The following NDUFA13 variants were observed in gnomAD, a reference collection of about 807,000 sequenced individuals.
NDUFA13 encodes NADH dehydrogenase [ubiquinone] 1 alpha subcomplex subunit 13.
Under a neutral mutation model 17.0 loss-of-function variants are expected in NDUFA13, and 16 were observed. The observed-to-expected ratio is 0.94, with a 90% confidence interval of 0.64 to 1.43. NDUFA13 has a LOEUF of 1.43. Ranked by LOEUF, NDUFA13 falls within the 40% of genes most tolerant of loss-of-function variation. The pLI, the probability that NDUFA13 is intolerant of heterozygous loss-of-function variation, is 0.00. For missense variants in NDUFA13, 228 were observed against 206.7 expected, an observed-to-expected ratio of 1.10 and a Z score of -0.63; for synonymous variants, 87 against 78.4, an observed-to-expected ratio of 1.11 and a Z score of -0.58.
Position 19,519,780 on chromosome 19 carries a change from GTCC to G in NDUFA13, c.94+3454_94+3456del, listed in dbSNP as rs997847704. 9.9e-5 allele frequency among the ~76,000 whole-genome samples: 15 copies of G among 152,196 alleles called. No homozygotes were observed. The South Asian group carries it at 2.3e-3, about 23-fold the overall frequency. ...CACAGGCCCTGCCTCCTCTCCCTCT[GTCC>G]TCCTCTCCTGCCTCTCCTGAGCCAT... is the stretch of plus-strand genomic sequence containing the variant. On this transcript the variant is annotated intron_variant, in intron 1 of 4. Transcript: ENST00000507754.
At chr19:19,517,175 T>C (rs1205641231) in intron 1 of NDUFA13, among the ~76,000 whole-genome samples, 3 of 152,118 alleles carry the variant, frequency 2.0e-5, no homozygotes, top group Non-Finnish European at 4.4e-5. Context: ...AAGGCGCCCA[T>C]ACTCAGTCCC....
At chr19:19,516,685 G>T (rs1202419853) in intron 1 of NDUFA13, among the ~76,000 whole-genome samples, 1 of 152,240 alleles carries the variant, frequency 6.6e-6, no homozygotes. Flanking sequence ...AGCTGAGGCC[G>T]CAACCCGGAA....
At chr19:19,520,844 T>C (rs952278816) in intron 1 of NDUFA13, among the ~76,000 whole-genome samples, 13 of 152,192 alleles carry the variant, frequency 8.5e-5, no homozygotes, top group Admixed American at 8.5e-4. Flanking sequence ...TTCCTATCAG[T>C]GAAGTCATAG....
chr19:19,527,594 A>G, intron 3 of NDUFA13, 107 bp from the exon 4 acceptor site: 1 of 1,016,984 alleles, frequency 9.8e-7, no homozygotes, highest in Non-Finnish European at 1.5e-6. Context: ...CTGGGGGAAA[A>G]GGAGACAGGG....
At chr19:19,518,233 T>G (rs947478571) in intron 1 of NDUFA13, among the ~76,000 whole-genome samples, 3 of 152,134 alleles carry the variant, frequency 2.0e-5, no homozygotes, top group African/African-American at 7.2e-5. Context: ...TTTCTTTTCT[T>G]TCTTTCTTTT....
intron 1 of NDUFA13, among the ~76,000 whole-genome samples, chr19:19,520,155 C>T (rs1212828314): frequency 1.3e-5 from 2 of 151,994 alleles, no homozygotes; most frequent in Non-Finnish European, 2.9e-5. Flanking sequence ...GCTCAGGCCC[C>T]TTTTAATCCA....
chr19:19,526,791 A>G (rs2061101622), intron 2 of NDUFA13: 1 of 279,490 alleles, frequency 3.6e-6, no homozygotes, highest in Non-Finnish European at 7.0e-6. Flanking sequence ...CCCAACCCCA[A>G]CGCAGGCCAG....
chr19:19,524,021 G>A (rs1413662926), intron 1 of NDUFA13, among the ~76,000 whole-genome samples: 1 of 152,102 alleles, frequency 6.6e-6, no homozygotes, highest in East Asian at 1.9e-4. Context: ...TCTCACCTCA[G>A]CCTCCCAAAA....
chr19:19,526,299 C>A, intron 2 of NDUFA13, 39 bp downstream of exon 2: 2 of 1,607,090 alleles, frequency 1.2e-6, no homozygotes, highest in Non-Finnish European at 1.7e-6. Flanking sequence ...AGTGCCCCCC[C>A]GGCGAGTTGT....
At chr19:19,516,793 T>A (rs77160174) in intron 1 of NDUFA13, among the ~76,000 whole-genome samples, 1 of 147,738 alleles carries the variant, frequency 6.8e-6, no homozygotes, top group Non-Finnish European at 1.5e-5. Flanking sequence ...AAATTTTCAA[T>A]TTTTTTTTTT....
intron 2 of NDUFA13, 32 bp from the exon 3 acceptor site, chr19:19,527,249 C>T (rs763804857): frequency 5.0e-6 from 8 of 1,611,962 alleles, no homozygotes; most frequent in South Asian, 1.1e-5. Flanking sequence ...CTAGCCTGGT[C>T]TGACCTGAGT....
At chr19:19,526,327 C>A in intron 2 of NDUFA13, 67 bp downstream of exon 2, 1 of 1,556,248 alleles carries the variant, frequency 6.4e-7, no homozygotes, top group Non-Finnish European at 8.8e-7. Flanking sequence ...CTGTAGCATT[C>A]CGCTGTTGTC....
chr19:19,526,407 C>G (rs1212382091), intron 2 of NDUFA13, 147 bp downstream of exon 2: 28 of 819,378 alleles, frequency 3.4e-5, no homozygotes, highest in Non-Finnish European at 5.5e-5. Context: ...AAGTGCAGAT[C>G]CAGACCCAGC....
intron 1 of NDUFA13, among the ~76,000 whole-genome samples, chr19:19,524,244 A>G (rs947336275): frequency 1.1e-4 from 16 of 152,224 alleles, no homozygotes; most frequent in African/African-American, 3.9e-4. Context: ...GTGGTTGGCG[A>G]GGAGGAAGAG....
intron 3 of NDUFA13, 51 bp from the exon 4 acceptor site, chr19:19,527,650 G>A: frequency 6.8e-7 from 1 of 1,461,112 alleles, no homozygotes; most frequent in Non-Finnish European, 9.4e-7. Flanking sequence ...CTAGGCAGGG[G>A]CCCCTCAGGG....
intron 1 of NDUFA13, among the ~76,000 whole-genome samples, chr19:19,525,837 G>A (rs574596935): frequency 2.0e-5 from 3 of 152,294 alleles, no homozygotes; most frequent in Admixed American, 1.3e-4. Flanking sequence ...AGGGCAGCAC[G>A]CGGAACTGTG....
chr19:19,527,708 C>G lies in NDUFA13; in HGVS notation c.253C>G (p.Gln85Glu), dbSNP rs1052574171. 1.9e-6 allele frequency: 3 copies of G among 1,552,056 alleles called. No homozygotes were observed. The African/African-American group carries it at 4.1e-5, about 21-fold the overall frequency. Residue 85 changes from glutamine to glutamate, a missense_variant, in exon 4 of 5, where the codon CAG (glutamine) becomes GAG (glutamate). Physicochemically the swap from Gln to Glu is conservative, Grantham distance 29. Transcript: ENST00000507754. Reference sequence around the variant, plus strand: ...TCGGCCCCATCCCCACAGGACCTTGCAGATGCTTCGGGAGAACCTGGAGGA... The same window carrying G: ...TCGGCCCCATCCCCACAGGACCTTGGAGATGCTTCGGGAGAACCTGGAGGA... ...LQAETDRRTL[Q>E]MLRENLEEEA...
chr19:19,522,477 C>CTTTGTTTTTTT (rs2061082250), intron 1 of NDUFA13, among the ~76,000 whole-genome samples: 1 of 95,036 alleles, frequency 1.1e-5, no homozygotes, highest in East Asian at 2.7e-4. Context: ...GTCTTTGATC[C>CTTTGTTTTTTT]TTTTTTTTTT....
intron 1 of NDUFA13, among the ~76,000 whole-genome samples, chr19:19,521,488 G>C (rs2144640223): frequency 6.6e-6 from 1 of 152,392 alleles, no homozygotes; most frequent in Admixed American, 6.5e-5. Context: ...AAAGTGCTGA[G>C]ATTCTAGGAG....
Sources: gnomAD v4.1 joint callset for allele counts (sites outside exome capture counted in the v4.1 genomes callset) on GRCh38, gnomAD v4.1.1 for gene constraint, MANE v1.5 for transcripts, NCBI Gene and HGNC (gene_info 2026-07-23, HGNC 2026-07-21) for gene names.